The following NCOA3 variants were observed in gnomAD, a reference collection of about 807,000 sequenced individuals.
NCOA3 encodes CBP-interacting protein.
In NCOA3, 51 loss-of-function variants were observed where a neutral mutation model predicts 158.8. The observed-to-expected ratio is 0.32, with a 90% CI of 0.26 to 0.41. The LOEUF (loss-of-function observed/expected upper bound fraction) is 0.41, where lower values mean the gene tolerates loss of function less well. Ranked by LOEUF, NCOA3 falls within the 10% of genes least tolerant of loss-of-function variation. The pLI is 1.00. For missense variants in NCOA3, 1,510 were observed against 1,746.6 expected, an observed-to-expected ratio of 0.86 and a Z score of 2.41; for synonymous variants, 537 against 592.4, an observed-to-expected ratio of 0.91 and a Z score of 1.36.
At chr20:47,653,363 T>C (rs760794384) in intron 22 of NCOA3, 43 bp from the exon 23 acceptor site, 2 of 1,565,782 alleles carry the variant, frequency 1.3e-6, no homozygotes, top group Non-Finnish European at 1.7e-6. Flanking sequence ...GCATGTGTTT[T>C]ACTCATTTTT....
At chr20:47,607,656 C>T (rs952111151) in intron 2 of NCOA3, among the ~76,000 whole-genome samples, 1 of 151,838 alleles carries the variant, frequency 6.6e-6, no homozygotes, top group African/African-American at 2.4e-5. Flanking sequence ...GGGGTCTGAC[C>T]CAACTTAGAA....
Position 47,652,958 on chromosome 20 carries a change from CCAGGGGAATCCTG to C in NCOA3, c.4153_4165del (p.Gly1385CysfsTer7). 1 of 1,614,150 alleles carries C rather than the reference CCAGGGGAATCCTG, an allele frequency of 6.2e-7. No individual in the cohort carries two copies. Among genetic ancestry groups the C allele is most frequent in the Non-Finnish European group, 8.5e-7 (1 of 1,180,016 alleles). On this transcript the variant is annotated frameshift_variant, in exon 22 of 23. Transcript: ENST00000371998. LOFTEE classifies it high-confidence loss of function. Reference sequence around the variant, plus strand: ...CCTTTTCCCAGCAGCAGTTTGCCCACCAGGGGAATCCTGCAGTGTATAGTATGGTGCACATGAA... The same window carrying C: ...CCTTTTCCCAGCAGCAGTTTGCCCACCAGTGTATAGTATGGTGCACATGAA...
chr20:47,523,274 G>A (rs2084375308), intron 1 of NCOA3, among the ~76,000 whole-genome samples: 2 of 152,124 alleles, frequency 1.3e-5, no homozygotes, highest in African/African-American at 2.4e-5. Flanking sequence ...AACTGTTAGG[G>A]GGTTTTGGGC....
intron 1 of NCOA3, among the ~76,000 whole-genome samples, chr20:47,567,036 G>GTATA (rs775245764): frequency 1.3e-5 from 2 of 151,746 alleles, no homozygotes; most frequent in African/African-American, 4.8e-5. Flanking sequence ...ATGTATGTAT[G>GTATA]TATGTATGTA....
intron 1 of NCOA3, among the ~76,000 whole-genome samples, chr20:47,530,688 C>G (rs1391574687): frequency 6.6e-6 from 1 of 152,114 alleles, no homozygotes; most frequent in East Asian, 1.9e-4. Context: ...TGGTCTCAAA[C>G]TCTTGCCCTC....
intron 1 of NCOA3, among the ~76,000 whole-genome samples, chr20:47,524,955 T>G (rs1452188242): frequency 1.3e-5 from 2 of 151,902 alleles, no homozygotes; most frequent in Non-Finnish European, 2.9e-5. Context: ...TTCTTTTTAT[T>G]GATCATTCTT....
At chr20:47,512,424 C>T (rs796511678) in intron 1 of NCOA3, among the ~76,000 whole-genome samples, 7 of 151,722 alleles carry the variant, frequency 4.6e-5, no homozygotes, top group South Asian at 2.1e-4. Context: ...AAAAATTAGC[C>T]GGGCATGGTG....
chr20:47,647,476 C>CT, intron 18 of NCOA3, 110 bp downstream of exon 18: 4 of 1,054,762 alleles, frequency 3.8e-6, no homozygotes, highest in Non-Finnish European at 5.4e-6. Flanking sequence ...TAAAGAAATT[C>CT]TTTTTGTTTT....
intron 1 of NCOA3, among the ~76,000 whole-genome samples, chr20:47,559,339 T>C (rs1267934525): frequency 6.6e-6 from 1 of 152,290 alleles, no homozygotes; most frequent in African/African-American, 2.4e-5. Context: ...GGCCTTCTTA[T>C]ACAACCAAAA....
intron 1 of NCOA3, among the ~76,000 whole-genome samples, chr20:47,567,334 C>T (rs1284941244): frequency 6.6e-6 from 1 of 152,064 alleles, no homozygotes; most frequent in Non-Finnish European, 1.5e-5. Context: ...GTGTGAGCCA[C>T]TGCACTCGGT....
chr20:47,647,166 C>T lies in NCOA3; in HGVS notation c.3346C>T (p.Pro1116Ser). 6.2e-7 allele frequency: 1 copy of T among 1,614,094 alleles called. No individual in the cohort carries two copies. The highest frequency in any genetic ancestry group is 1.1e-5 in the South Asian group (1 of 91,078). ...GGCAGGATTATATGGACAGACATAC[C>T]CAGCACAGGGGCCTCCAATGCAAGG... ...QKAGLYGQTY[P>S]AQGPPMQGGF... Residue 1116 changes from proline (P) to serine (S), a missense_variant, in exon 18 of 23, where the codon CCA becomes TCA. Around this residue, in one of 4 missense-constraint regions of NCOA3, gnomAD observed 1,017 missense variants for 1,098.3 expected, o/e 0.93. Coordinates refer to ENST00000371998, the MANE Select transcript of NCOA3 (RefSeq NM_181659.3).
At chr20:47,573,580 C>A (rs192428592) in intron 1 of NCOA3, among the ~76,000 whole-genome samples, 1 of 152,268 alleles carries the variant, frequency 6.6e-6, no homozygotes, top group East Asian at 1.9e-4. Flanking sequence ...AGGGCTGCCA[C>A]AAACCTCAAT....
In NCOA3 at chr20:47,568,041, C is replaced by G. The variant is rs185695769; in HGVS notation, c.-98-15142C>G. On this transcript the variant is annotated intron_variant, in intron 1 of 22. Coordinates refer to ENST00000371998, the MANE Select transcript of NCOA3 (RefSeq NM_181659.3). ...TTTGTTAAAAACAACTCTGGCAGAG[C>G]AAGAAGACATACAGGCCACTATTTT... Among the ~76,000 whole-genome samples, 149 of 152,312 alleles carry G rather than the reference C, an allele frequency of 9.8e-4. 2 individuals carry two copies. The highest frequency in any genetic ancestry group is 7.3e-3 in the Admixed American group (111 of 15,298).
At chr20:47,609,710 CAG>C (rs2086013194) in intron 2 of NCOA3, among the ~76,000 whole-genome samples, 1 of 146,872 alleles carries the variant, frequency 6.8e-6, no homozygotes, top group African/African-American at 2.5e-5. Context: ...GCCCGGGTGA[CAG>C]GGCGAGACTC....
At chr20:47,582,099 A>C (rs182630529) in intron 1 of NCOA3, among the ~76,000 whole-genome samples, 1 of 152,288 alleles carries the variant, frequency 6.6e-6, no homozygotes, top group East Asian at 1.9e-4. Context: ...ATCACTTTTC[A>C]AGATTCAGAA....
chr20:47,613,273 T>C lies in NCOA3; in HGVS notation c.-19-8956T>C, dbSNP rs537319149. 4.6e-5 allele frequency among the ~76,000 whole-genome samples: 7 copies of C among 152,276 alleles called. No individual in the cohort carries two copies. The East Asian group carries it at 9.6e-4, about 21-fold the overall frequency. Reference sequence around the variant, plus strand: ...GTTTCTTGTAGATACCATGTGTATGTTTTGTTTCTAAAAACTGTAGGCTCC... The same window carrying C: ...GTTTCTTGTAGATACCATGTGTATGCTTTGTTTCTAAAAACTGTAGGCTCC... On this transcript the variant is annotated intron_variant, in intron 2 of 22. Coordinates refer to ENST00000371998, the MANE Select transcript of NCOA3 (RefSeq NM_181659.3).
intron 10 of NCOA3, 117 bp downstream of exon 10, chr20:47,634,312 G>T (rs1215269734): frequency 4.0e-6 from 4 of 1,004,538 alleles, no homozygotes; most frequent in Middle Eastern, 2.4e-4. Flanking sequence ...AGGTTATTGG[G>T]TTTGATGAAA....
At chr20:47,560,091 T>C (rs2085073076) in intron 1 of NCOA3, among the ~76,000 whole-genome samples, 1 of 151,916 alleles carries the variant, frequency 6.6e-6, no homozygotes, top group Non-Finnish European at 1.5e-5. Context: ...TGGCCTTAAT[T>C]TTTTTTTGGA....
intron 1 of NCOA3, among the ~76,000 whole-genome samples, chr20:47,547,346 C>T (rs1478228537): frequency 7.4e-6 from 1 of 135,150 alleles, no homozygotes; most frequent in Non-Finnish European, 1.6e-5. Context: ...CTCTTTAAAC[C>T]CTGTGGTGGG....
Sources: gnomAD v4.1 joint callset for allele counts (sites outside exome capture counted in the v4.1 genomes callset) on GRCh38, gnomAD v4.1.1 for gene constraint, gnomAD v4.1.1 regional missense constraint, MANE v1.5 for transcripts, NCBI Gene and HGNC (gene_info 2026-07-23, HGNC 2026-07-21) for gene names.